Variants in PPFIA2 observed in about 807,000 individuals in gnomAD.
PPFIA2 encodes the protein PPFI scaffold protein A2, also known as liprin-alpha-2.
PPFIA2 carries 46 observed loss-of-function variants against 175.5 expected under a neutral mutation model. The observed-to-expected ratio is 0.26, with a 90% CI of 0.21 to 0.34. The LOEUF (loss-of-function observed/expected upper bound fraction) is 0.34, where lower values mean the gene tolerates loss of function less well. Ranked by LOEUF, PPFIA2 falls within the 10% of genes least tolerant of loss-of-function variation. PPFIA2 has a pLI of 1.00. For synonymous variants in PPFIA2, 568 were observed against 511.4 expected (o/e 1.11, Z -1.49); for missense variants, 1,179 against 1,506.1 (o/e 0.78, Z 3.60).
At chr12:81,557,317 C>T (rs1005434596) in intron 4 of PPFIA2, among the ~76,000 whole-genome samples, 7 of 151,734 alleles carry the variant, frequency 4.6e-5, no homozygotes, top group Non-Finnish European at 2.9e-5. Flanking sequence ...TTTGACTGAA[C>T]TCTGTGGGTG....
intron 3 of PPFIA2, among the ~76,000 whole-genome samples, chr12:81,708,598 A>T (rs1264253604): frequency 6.6e-6 from 1 of 152,162 alleles, no homozygotes; most frequent in Non-Finnish European, 1.5e-5. Context: ...AAGTGTCTTA[A>T]AACTGATTGT....
chr12:81,545,321 C>T (rs1487334502), intron 4 of PPFIA2: 7 of 152,086 alleles, frequency 4.6e-5, no homozygotes, highest in Admixed American at 4.6e-4. Flanking sequence ...CAGTTTTCTA[C>T]TTTATCATCT....
intron 22 of PPFIA2, among the ~76,000 whole-genome samples, chr12:81,302,354 C>T (rs1046511060): frequency 1.3e-5 from 2 of 152,066 alleles, no homozygotes; most frequent in African/African-American, 4.8e-5. Flanking sequence ...AGAGGCAACC[C>T]AATGTGCTCA....
intron 3 of PPFIA2, among the ~76,000 whole-genome samples, chr12:81,725,840 A>G (rs1248508847): frequency 1.3e-5 from 2 of 151,062 alleles, no homozygotes; most frequent in Admixed American, 1.3e-4. Context: ...TAGATACCAT[A>G]AAAACCTTAA....
At chr12:81,701,767 A>G (rs2076503192) in intron 3 of PPFIA2, among the ~76,000 whole-genome samples, 1 of 152,068 alleles carries the variant, frequency 6.6e-6, no homozygotes, top group South Asian at 2.1e-4. Context: ...AAATAGTAAT[A>G]CAGTTCTCCA....
intron 7 of PPFIA2, chr12:81,431,501 G>T (rs1416351575): frequency 1.3e-5 from 2 of 152,084 alleles, no homozygotes; most frequent in Non-Finnish European, 2.9e-5. Context: ...ATTCAAAAAG[G>T]CCTAAAATTA....
chr12:81,577,281 A>C (rs2073717031), intron 4 of PPFIA2, among the ~76,000 whole-genome samples: 1 of 151,888 alleles, frequency 6.6e-6, no homozygotes, highest in Non-Finnish European at 1.5e-5. Context: ...GAGCTTTTAA[A>C]AAGTTTATTC....
chr12:81,412,884 C>T (rs981446211), intron 7 of PPFIA2, among the ~76,000 whole-genome samples: 2 of 151,884 alleles, frequency 1.3e-5, no homozygotes, highest in Non-Finnish European at 2.9e-5. Flanking sequence ...ATTCATATTG[C>T]GTGCTCTAGC....
intron 5 of PPFIA2, among the ~76,000 whole-genome samples, chr12:81,446,755 C>A (rs1423393712): frequency 2.6e-5 from 4 of 152,014 alleles, no homozygotes; most frequent in African/African-American, 9.7e-5. Context: ...ATAAAGAAAA[C>A]AACTTTATTT....
intron 4 of PPFIA2, among the ~76,000 whole-genome samples, chr12:81,518,054 C>T (rs1396246140): frequency 1.3e-5 from 2 of 152,098 alleles, no homozygotes; most frequent in Non-Finnish European, 2.9e-5. Flanking sequence ...CAAACTTGCA[C>T]GTTGTGCACA....
chr12:81,665,884 C>G (rs1209464985), intron 4 of PPFIA2, among the ~76,000 whole-genome samples: 1 of 152,046 alleles, frequency 6.6e-6, no homozygotes, highest in East Asian at 1.9e-4. Flanking sequence ...GGGCTAATAT[C>G]CAGAATCTAC....
At chr12:81,475,743 C>T (rs1593580067) in intron 4 of PPFIA2, among the ~76,000 whole-genome samples, 1 of 152,162 alleles carries the variant, frequency 6.6e-6, no homozygotes, top group East Asian at 1.9e-4. Flanking sequence ...AGACGAGTCT[C>T]CTTCTGTCGC....
At chr12:81,373,718 A>G (rs1338747026) in intron 11 of PPFIA2, among the ~76,000 whole-genome samples, 1 of 151,990 alleles carries the variant, frequency 6.6e-6, no homozygotes, top group Non-Finnish European at 1.5e-5. Context: ...CTTTTTTAGA[A>G]AATCAGATGT....
intron 7 of PPFIA2, among the ~76,000 whole-genome samples, chr12:81,413,088 T>C (rs1465173041): frequency 6.6e-6 from 1 of 151,888 alleles, no homozygotes; most frequent in South Asian, 2.1e-4. Flanking sequence ...ACTCATGTCA[T>C]GCAAGTGATT....
intron 4 of PPFIA2, among the ~76,000 whole-genome samples, chr12:81,483,640 C>T (rs1398842243): frequency 6.6e-6 from 1 of 151,850 alleles, no homozygotes; most frequent in Non-Finnish European, 1.5e-5. Context: ...CTAAAAAAAA[C>T]ACTGAACTAT....
At chr12:81,687,345 T>C (rs1015834800) in intron 3 of PPFIA2, 2 of 152,078 alleles carry the variant, frequency 1.3e-5, no homozygotes, top group African/African-American at 4.8e-5. Context: ...CACTTCCTTA[T>C]TGTGACAAGT....
chr12:81,363,262 G>T (rs566462768), intron 14 of PPFIA2, among the ~76,000 whole-genome samples: 1 of 150,584 alleles, frequency 6.6e-6, no homozygotes, highest in Non-Finnish European at 1.5e-5. Flanking sequence ...AACAATTGGA[G>T]GATTTTTTTA....
At chr12:81,516,342 C>T (rs2062437339) in intron 4 of PPFIA2, among the ~76,000 whole-genome samples, 1 of 152,092 alleles carries the variant, frequency 6.6e-6, no homozygotes, top group African/African-American at 2.4e-5. Context: ...ATCCACTTAG[C>T]TTTCAGTTAC....
chr12:81,338,687 TG>T (rs1294136732), intron 21 of PPFIA2, among the ~76,000 whole-genome samples: 1 of 152,140 alleles, frequency 6.6e-6, no homozygotes, highest in African/African-American at 2.4e-5. Flanking sequence ...TTTAATTTTT[TG>T]TAGGCTTATC....
Sources: gnomAD v4.1 joint callset for allele counts (sites outside exome capture counted in the v4.1 genomes callset) on GRCh38, gnomAD v4.1.1 for gene constraint, MANE v1.5 for transcripts, NCBI Gene and HGNC (gene_info 2026-07-23, HGNC 2026-07-21) for gene names.